The following KIF13A variants were observed in gnomAD, a reference collection of about 807,000 sequenced individuals.
The protein encoded by KIF13A is kinesin-like protein KIF13A.
In KIF13A, 79 loss-of-function variants were observed where a neutral mutation model predicts 212.2. The ratio of observed to expected loss-of-function variants is 0.37; its 90% CI spans 0.31 to 0.45. The LOEUF (loss-of-function observed/expected upper bound fraction) is 0.45, where lower values mean the gene tolerates loss of function less well. Ranked by LOEUF, KIF13A falls within the 20% of genes least tolerant of loss-of-function variation. The probability of loss-of-function intolerance (pLI) is 1.00; values close to 1 mark genes in which losing one functional copy is unlikely to be tolerated. For synonymous variants in KIF13A, 789 were observed against 808.6 expected, an observed-to-expected ratio of 0.98 and a Z score of 0.41; for missense variants, 1,901 against 2,209.0, an observed-to-expected ratio of 0.86 and a Z score of 2.79.
At chr6:17,792,628 A>T (rs771229268) in intron 25 of KIF13A, among the ~76,000 whole-genome samples, 25 of 152,160 alleles carry the variant, frequency 1.6e-4, no homozygotes, top group Non-Finnish European at 2.8e-4. Context: ...ACACACAAGG[A>T]AAAGTCTGGT....
intron 23 of KIF13A, among the ~76,000 whole-genome samples, chr6:17,795,852 T>A (rs1263112497): frequency 6.6e-6 from 1 of 152,216 alleles, no homozygotes; most frequent in Non-Finnish European, 1.5e-5. Flanking sequence ...GCACTTTCTG[T>A]GGCCTGAGAA....
chr6:17,983,130 G>A (rs1430430646), intron 2 of KIF13A, among the ~76,000 whole-genome samples: 29 of 139,328 alleles, frequency 2.1e-4, no homozygotes, highest in African/African-American at 7.2e-4. Context: ...CCGAGATCAC[G>A]CCACTGCACT....
Position 17,787,921 on chromosome 6 carries a change from A to C in KIF13A, c.3262-46T>G, listed in dbSNP as rs764764958. The stretch of plus-strand genomic sequence containing the variant: ...TATTTTCCTGTAGACTGCACAGACA[A>C]CGATTTCTTTCTTTCTTTTTTTAAA... On this transcript the variant is annotated intron_variant, in intron 26 of 38. Transcript: ENST00000259711. The surrounding 1 kb of genome is among the most constrained non-coding windows in gnomAD (Gnocchi z 4.6). 2 of 1,011,492 alleles carry C rather than the reference A, an allele frequency of 2.0e-6. No individual in the cohort carries two copies. The highest frequency in any genetic ancestry group is 2.1e-5 in the Admixed American group (1 of 47,456). The allele number at this position is 1,011,492 out of a possible 1,614,324, so 62.7% of individuals were successfully genotyped here.
In KIF13A at chr6:17,764,915, G is replaced by A; in HGVS notation, c.4613C>T (p.Ala1538Val). 1.9e-6 allele frequency: 3 copies of A among 1,612,434 alleles called. No homozygotes were observed. Among genetic ancestry groups the A allele is most frequent in the Non-Finnish European group, 2.5e-6 (3 of 1,179,124 alleles). ...TGAACTTATTAGCTTCCTGTTAATA[G>A]CTTCCAGCTCATTTTCTTCCTCCTC... Reference protein sequence around the residue: ...DSEEEENELEAINRKLISSQP... With the variant: ...DSEEEENELEVINRKLISSQP... Residue 1538 changes from alanine to valine, a missense_variant, in exon 39 of 39, where the codon GCT (alanine) becomes GTT (valine). This residue lies in a region of KIF13A where 687 missense variants were observed against 759.1 expected (regional missense o/e 0.90). Coordinates refer to ENST00000259711, the MANE Select transcript of KIF13A (RefSeq NM_022113.6). The surrounding 1 kb of genome is among the most constrained non-coding windows in gnomAD (Gnocchi z 5.1).
At position 17,968,463 on chromosome 6, in the gene KIF13A, C is replaced by T. The variant is rs998613940; in HGVS notation, c.146+18591G>A. ...TTGGTGTAGGGTCCATTCATCCAGT[C>T]TGGGACCACACACCACCTCTGGGTG... is the stretch of plus-strand genomic sequence containing the variant. On this transcript the variant is annotated intron_variant, in intron 2 of 38. Coordinates refer to ENST00000259711, the MANE Select transcript of KIF13A (RefSeq NM_022113.6). This position sits in a 1 kb window ranked among gnomAD's most constrained non-coding sequence, Gnocchi z 4.7. Among the ~76,000 whole-genome samples, 2 of 152,188 alleles carry T rather than the reference C, an allele frequency of 1.3e-5. No individual in the cohort carries two copies. The highest frequency in any genetic ancestry group is 2.9e-5 in the Non-Finnish European group (2 of 68,034).
chr6:17,828,334 T>C lies in KIF13A; in HGVS notation c.1438A>G (p.Ile480Val). The change falls in exon 14 of 39, where the codon ATC becomes GTC. Residue 480 changes from isoleucine (I) to valine (V), a missense_variant. Transcript: ENST00000259711. The surrounding 1 kb of genome is among the most constrained non-coding windows in gnomAD (Gnocchi z 4.3). ...TRVGADTSQD[I>V]QLFGIGIQPQ... ...TGAATTCCTATGCCAAAAAGCTGGA[T>C]ATCTTGAGAGGTATCTGCACCCACC... 6.2e-7 allele frequency: 1 copy of C among 1,611,834 alleles called. No individual in the cohort carries two copies. The highest frequency in any genetic ancestry group is 1.7e-5 in the Admixed American group (1 of 59,742).
Position 17,838,065 on chromosome 6 carries a change from C to T in KIF13A, c.831-482G>A, listed in dbSNP as rs147591770. ...GGAGTGGTGGCTCACACCTGTAATCCCAGCACTTTGGGAGGCTGAGGCAGG... is the reference window on the plus strand; with the variant it reads ...GGAGTGGTGGCTCACACCTGTAATCTCAGCACTTTGGGAGGCTGAGGCAGG... On this transcript the variant is annotated intron_variant, in intron 9 of 38. Coordinates refer to ENST00000259711, the MANE Select transcript of KIF13A (RefSeq NM_022113.6). This position sits in a 1 kb window ranked among gnomAD's most constrained non-coding sequence, Gnocchi z 4.2. Among the ~76,000 whole-genome samples the T allele has an allele frequency of 5.8e-3, 889 of 152,144 alleles. 12 individuals are homozygous for T. The highest frequency in any genetic ancestry group is 0.02 in the African/African-American group (825 of 41,518).
Position 17,794,104 on chromosome 6 carries a change from T to C in KIF13A, c.3222+145A>G, listed in dbSNP as rs552538077. 1 of 583,808 alleles carries C rather than the reference T, an allele frequency of 1.7e-6. No individual in the cohort carries two copies. Among genetic ancestry groups the C allele is most frequent in the Non-Finnish European group, 3.0e-6 (1 of 336,954 alleles). The allele number at this position is 583,808 out of a possible 1,614,324, so 36.2% of individuals were successfully genotyped here. A position where few individuals can be genotyped will look rare whatever the true frequency, so the allele number is the denominator to read the frequency against. ...ACACTAAGCAAACAGATTTTAAAGC[T>C]AGAAAAAAGGCAATGGATGGAAATG... is the stretch of plus-strand genomic sequence containing the variant. On this transcript the variant is annotated intron_variant, in intron 25 of 38. Transcript: ENST00000259711. The surrounding 1 kb of genome is among the most constrained non-coding windows in gnomAD (Gnocchi z 4.1).
intron 4 of KIF13A, 37 bp downstream of exon 4, chr6:17,873,340 G>T (rs1770190401): frequency 1.4e-6 from 2 of 1,436,402 alleles, no homozygotes; most frequent in South Asian, 1.2e-5. Context: ...GAAGAGGCCA[G>T]AAGCCCAACT....
At chr6:17,805,877 T>C (rs997928345) in intron 18 of KIF13A, among the ~76,000 whole-genome samples, 1 of 152,082 alleles carries the variant, frequency 6.6e-6, no homozygotes, top group Admixed American at 6.6e-5. Flanking sequence ...AGTTTTGATA[T>C]TGTGATCATT....
At chr6:17,909,366 T>A (rs1773816700) in intron 2 of KIF13A, among the ~76,000 whole-genome samples, 2 of 151,244 alleles carry the variant, frequency 1.3e-5, no homozygotes, top group South Asian at 4.2e-4. Flanking sequence ...CGAAACCCTG[T>A]CTCTACTTAA....
chr6:17,810,765 A>T (rs2150346627), intron 17 of KIF13A, among the ~76,000 whole-genome samples: 2 of 152,252 alleles, frequency 1.3e-5, no homozygotes, highest in East Asian at 1.9e-4. Flanking sequence ...TGCAACCTAG[A>T]TCTCTCGCAT....
chr6:17,920,115 CTA>C (rs1379949561), intron 2 of KIF13A, among the ~76,000 whole-genome samples: 1 of 152,110 alleles, frequency 6.6e-6, no homozygotes, highest in Non-Finnish European at 1.5e-5. Flanking sequence ...GTCCCAGTCT[CTA>C]TTACATGGTC....
In KIF13A at chr6:17,918,356, T is replaced by A. The variant is rs1774737211; in HGVS notation, c.147-20176A>T. ...AGAATGTAAATGTCCCACACTGCCA[T>A]TTATGACAAGTTGTACTTAAACGGC... is the stretch of plus-strand genomic sequence containing the variant. On this transcript the variant is annotated intron_variant, in intron 2 of 38. Transcript: ENST00000259711. The surrounding 1 kb of genome is among the most constrained non-coding windows in gnomAD (Gnocchi z 4.8). Among the ~76,000 whole-genome samples, 1 of 152,232 alleles carries A rather than the reference T, an allele frequency of 6.6e-6. No individual in the cohort carries two copies. Among genetic ancestry groups the A allele is most frequent in the Non-Finnish European group, 1.5e-5 (1 of 68,040 alleles).
chr6:17,811,313 C>T lies in KIF13A; in HGVS notation c.2001-2383G>A, dbSNP rs1717877839. On this transcript the variant is annotated intron_variant, in intron 17 of 38. Transcript: ENST00000259711. This position sits in a 1 kb window ranked among gnomAD's most constrained non-coding sequence, Gnocchi z 6.0. ...CAATGCATACAATATTTACTAAATA[C>T]CTACCAGGTGACCACATCATTCTAG... Among the ~76,000 whole-genome samples the T allele has an allele frequency of 1.3e-5, 2 of 152,170 alleles. No homozygotes were observed. The highest frequency in any genetic ancestry group is 4.8e-5 in the African/African-American group (2 of 41,438).
At chr6:17,962,352 C>G (rs1052780973) in intron 2 of KIF13A, among the ~76,000 whole-genome samples, 1 of 151,866 alleles carries the variant, frequency 6.6e-6, no homozygotes. Flanking sequence ...AATTGAAGAA[C>G]AGGCTTGAAA....
chr6:17,815,146 G>A (rs190979787), intron 17 of KIF13A, among the ~76,000 whole-genome samples: 7 of 152,346 alleles, frequency 4.6e-5, no homozygotes, highest in Non-Finnish European at 7.3e-5. Flanking sequence ...GACAGAGAGA[G>A]GACAGCTTAC....
At chr6:17,958,759 AGGT>A (rs908979761) in intron 2 of KIF13A, among the ~76,000 whole-genome samples, 1 of 152,118 alleles carries the variant, frequency 6.6e-6, no homozygotes, top group Non-Finnish European at 1.5e-5. Context: ...TCCATTGTCA[AGGT>A]GTTGTATTCA....
Position 17,794,294 on chromosome 6 carries a change from T to C in KIF13A, c.3177A>G (p.Val1059=), listed in dbSNP as rs1433488871. 10 of 1,613,264 alleles carry C rather than the reference T, an allele frequency of 6.2e-6. No homozygotes were observed. The highest frequency in any genetic ancestry group is 8.5e-6 in the Non-Finnish European group (10 of 1,179,406). ...EAILSVSIGC[V]TARSTKLQRG... is the part of the protein sequence containing the mutation. ...TTTGGAGTTTGGTGGACCTGGCAGT[T>C]ACACAGCCGATGGATACTGACAGGA... The change falls in exon 25 of 39, where the codon GTA becomes GTG. Residue 1059 remains valine (V), a synonymous_variant. Transcript: ENST00000259711. The surrounding 1 kb of genome is among the most constrained non-coding windows in gnomAD (Gnocchi z 4.1).
Sources: gnomAD v4.1 joint callset for allele counts (sites outside exome capture counted in the v4.1 genomes callset) on GRCh38, gnomAD v4.1.1 for gene constraint, gnomAD v4.1.1 regional missense constraint, Gnocchi (gnomAD v3.1) non-coding constraint, MANE v1.5 for transcripts, NCBI Gene and HGNC (gene_info 2026-07-23, HGNC 2026-07-21) for gene names.